EFHC2: variants seen among roughly 807,000 people sequenced by gnomAD.
The protein encoded by EFHC2 is EF-hand domain containing 2.
A neutral mutation model predicts 52.7 loss-of-function variants in EFHC2; 18 were observed. That is an observed-to-expected ratio of 0.34 (90% CI 0.24 to 0.51). EFHC2 has a LOEUF of 0.51. Among genes scored for constraint, EFHC2 ranks in the 20% least tolerant of loss-of-function variants. EFHC2 has a pLI of 0.97. For synonymous variants in EFHC2, 203 were observed against 204.1 expected (o/e 0.99, Z 0.04); for missense variants, 513 against 562.5 (o/e 0.91, Z 0.89).
intron 2 of EFHC2, among the ~76,000 whole-genome samples, chrX:44,301,624 G>A (rs1409285693): frequency 3.6e-5 from 4 of 111,794 alleles, no homozygotes; most frequent in Admixed American, 2.9e-4. Context: ...ACAGAGCTGT[G>A]TAATCATCAC....
intron 1 of EFHC2, among the ~76,000 whole-genome samples, chrX:44,316,899 AAC>A (rs763846484): frequency 9.8e-5 from 11 of 112,039 alleles, no homozygotes; most frequent in African/African-American, 3.2e-4. Flanking sequence ...CCGTCATTAC[AAC>A]AGTTACTACT....
chrX:44,269,294 C>T (rs1253400088), intron 3 of EFHC2, among the ~76,000 whole-genome samples: 3 of 110,968 alleles, frequency 2.7e-5, no homozygotes, highest in East Asian at 5.7e-4. Flanking sequence ...GAAACACACC[C>T]CAGATTCAAA....
At chrX:44,171,364 G>A (rs2036744005) in intron 13 of EFHC2, among the ~76,000 whole-genome samples, 1 of 111,761 alleles carries the variant, frequency 8.9e-6, no homozygotes, top group Admixed American at 9.5e-5. Context: ...AGTGGCAGCT[G>A]TATTTTGCTG....
chrX:44,152,236 C>A (rs768066269), intron 14 of EFHC2, among the ~76,000 whole-genome samples: 2 of 111,144 alleles, frequency 1.8e-5, no homozygotes, highest in Non-Finnish European at 3.8e-5. Context: ...AAACCCCTTA[C>A]GAGATAAGTA....
At chrX:44,321,823 CA>C (rs764325663) in intron 1 of EFHC2, among the ~76,000 whole-genome samples, 1 of 111,698 alleles carries the variant, frequency 9.0e-6, no homozygotes, top group South Asian at 3.7e-4. Context: ...GCTCTTTGAA[CA>C]GCTCTAGGTA....
rs1556024251 is a variant in EFHC2, at chrX:44,313,109, A to AG, written c.43-354_43-353insC. Among the ~76,000 whole-genome samples, 35 of 105,041 alleles carry AG rather than the reference A, an allele frequency of 3.3e-4. 1 individual carries two copies. Among genetic ancestry groups the AG allele is most frequent in the South Asian group, 1.6e-3 (4 of 2,477 alleles). The allele number at this position is 105,041 out of a possible 115,157, so 91.2% of individuals were successfully genotyped here. A position where few individuals can be genotyped will look rare whatever the true frequency, so the allele number is the denominator to read the frequency against. ...AATGCAAACAGCAAAAAAAAAAAAA[A>AG]AAAGAAAGAAAGAAAGAAAAAACTG... On this transcript the variant is annotated intron_variant, in intron 1 of 14. Coordinates refer to ENST00000420999, the MANE Select transcript of EFHC2 (RefSeq NM_025184.4).
chrX:44,318,523 C>G (rs929108470), intron 1 of EFHC2, among the ~76,000 whole-genome samples: 1 of 111,533 alleles, frequency 9.0e-6, no homozygotes, highest in Non-Finnish European at 1.9e-5. Context: ...AAAATGGTAA[C>G]TTTTATACTT....
intron 2 of EFHC2, among the ~76,000 whole-genome samples, chrX:44,276,755 G>A (rs990592475): frequency 8.9e-6 from 1 of 112,387 alleles, no homozygotes; most frequent in African/African-American, 3.2e-5. Flanking sequence ...TAAAATGTTT[G>A]AAAATGATTA....
chrX:44,174,152 C>CTGGG (rs1000472434), intron 13 of EFHC2, among the ~76,000 whole-genome samples: 1 of 111,995 alleles, frequency 8.9e-6, no homozygotes, highest in African/African-American at 3.2e-5. Flanking sequence ...AGGTACTGTG[C>CTGGG]TGGGTACTTT....
At chrX:44,238,823 T>C (rs1336231228) in intron 8 of EFHC2, among the ~76,000 whole-genome samples, 1 of 112,151 alleles carries the variant, frequency 8.9e-6, no homozygotes, top group African/African-American at 3.2e-5. Flanking sequence ...TCTTTATTTT[T>C]TTCACAGTAC....
At chrX:44,163,789 A>G (rs1250912857) in intron 14 of EFHC2, 133 bp downstream of exon 14, 4 of 481,094 alleles carry the variant, frequency 8.3e-6, no homozygotes, top group Non-Finnish European at 1.4e-5. Flanking sequence ...ACAAATGCCC[A>G]GAAACACATA....
chrX:44,313,095 C>CAAAAAAAA (rs1276344069), intron 1 of EFHC2, among the ~76,000 whole-genome samples: 8 of 49,817 alleles, frequency 1.6e-4, no homozygotes, highest in Non-Finnish European at 2.2e-4. Context: ...ATGCAAACAG[C>CAAAAAAAA]AAAAAAAAAA....
chrX:44,278,444 T>C (rs1218573338), intron 2 of EFHC2, among the ~76,000 whole-genome samples: 1 of 111,914 alleles, frequency 8.9e-6, no homozygotes. Flanking sequence ...GGGAGGGGAC[T>C]ATTACTATTT....
intron 11 of EFHC2, among the ~76,000 whole-genome samples, chrX:44,222,730 T>C (rs961264052): frequency 2.7e-5 from 3 of 112,189 alleles, no homozygotes; most frequent in Non-Finnish European, 3.8e-5. Context: ...AAGGGTATCT[T>C]TTATTTATTC....
intron 1 of EFHC2, among the ~76,000 whole-genome samples, chrX:44,328,249 T>C (rs975719155): frequency 2.7e-5 from 3 of 111,735 alleles, no homozygotes; most frequent in Non-Finnish European, 3.8e-5. Context: ...TATGAAGGAT[T>C]TTTGCTCTCT....
At chrX:44,334,880 C>T (rs1201642811) in intron 1 of EFHC2, among the ~76,000 whole-genome samples, 1 of 112,201 alleles carries the variant, frequency 8.9e-6, no homozygotes, top group East Asian at 2.8e-4. Context: ...CTGTCAGCTG[C>T]TTTTTCACTT....
chrX:44,259,861 T>C (rs2037523866), intron 4 of EFHC2, among the ~76,000 whole-genome samples: 1 of 111,703 alleles, frequency 9.0e-6, no homozygotes. Context: ...TATTCCAGGA[T>C]CAACAATATA....
intron 1 of EFHC2, among the ~76,000 whole-genome samples, chrX:44,335,733 C>T (rs955227857): frequency 8.9e-6 from 1 of 111,770 alleles, no homozygotes; most frequent in Non-Finnish European, 1.9e-5. Context: ...CCTTAATTTG[C>T]ATTGAAAACA....
rs1329630972 is a variant in EFHC2 at position 44,341,202 on chromosome X, AAAAC to A, written c.42+2341_42+2344del. Among the ~76,000 whole-genome samples the A allele has an allele frequency of 2.9e-4, 33 of 112,043 alleles. No homozygotes were observed. The South Asian group carries it at 0.012, about 40-fold the overall frequency. ...ATTGATAAAAGGTTCAAAGGCAAGC[AAAAC>A]CTAATTATAGTGATAGGAGCCAGAA... On this transcript the variant is annotated intron_variant, in intron 1 of 14. Transcript: ENST00000420999.
Sources: gnomAD v4.1 joint callset for allele counts (sites outside exome capture counted in the v4.1 genomes callset) on GRCh38, gnomAD v4.1.1 for gene constraint, MANE v1.5 for transcripts, NCBI Gene and HGNC (gene_info 2026-07-23, HGNC 2026-07-21) for gene names.